The following ABI3BP variants were observed in gnomAD, a reference collection of about 807,000 sequenced individuals.
ABI3BP encodes the protein target of Nesh-SH3.
ABI3BP carries 216 observed loss-of-function variants against 268.6 expected under a neutral mutation model. That is an observed-to-expected ratio of 0.80 (90% CI 0.72 to 0.90). ABI3BP has a LOEUF of 0.90. ABI3BP is among the 40% of genes least tolerant of loss of function. The probability of loss-of-function intolerance (pLI) is 0.00; values close to 1 mark genes in which losing one functional copy is unlikely to be tolerated. For missense variants in ABI3BP, 2,090 were observed against 2,182.4 expected (o/e 0.96, Z 0.84); for synonymous variants, 730 against 730.0 (o/e 1.00, Z 0.00).
At chr3:100,797,366 A>G (rs1578070608) in intron 51 of ABI3BP, among the ~76,000 whole-genome samples, 4 of 152,156 alleles carry the variant, frequency 2.6e-5, no homozygotes, top group Non-Finnish European at 5.9e-5. Context: ...AATAGTGTAA[A>G]GTACTTCAAC....
At chr3:100,773,429 T>C (rs2096609111) in intron 61 of ABI3BP, among the ~76,000 whole-genome samples, 1 of 152,140 alleles carries the variant, frequency 6.6e-6, no homozygotes, top group African/African-American at 2.4e-5. Context: ...CCTATTAAAA[T>C]GGCTAAAATA....
intron 1 of ABI3BP, among the ~76,000 whole-genome samples, chr3:100,992,269 G>A (rs1003521152): frequency 8.5e-5 from 13 of 152,194 alleles, no homozygotes; most frequent in Non-Finnish European, 1.5e-4. Flanking sequence ...TTTACCCACC[G>A]AGGAAAGAAC....
chr3:100,812,250 T>C (rs1430362235), intron 46 of ABI3BP, among the ~76,000 whole-genome samples: 1 of 151,854 alleles, frequency 6.6e-6, no homozygotes, highest in Non-Finnish European at 1.5e-5. Context: ...TCGTTTCGAG[T>C]GAGAATAAGG....
At position 100,751,546 on chromosome 3, in the gene ABI3BP, A is replaced by C. The variant is rs1448402745; in HGVS notation, c.5245+6T>G. 3.8e-6 allele frequency: 6 copies of C among 1,582,660 alleles called. No individual in the cohort carries two copies. Among genetic ancestry groups the C allele is most frequent in the Non-Finnish European group, 5.2e-6 (6 of 1,163,266 alleles). ...CTGTTCTTATGAGGAGGATCAGAAA[A>C]CATACCTTCTTTGATTGGTAACTGG... On this transcript the variant is annotated splice_donor_region_variant and intron_variant, in intron 67 of 67. Coordinates refer to ENST00000471714, the MANE Select transcript of ABI3BP (RefSeq NM_001375547.2).
chr3:100,797,562 G>GTTTTTTTTTTT (rs575648416), intron 51 of ABI3BP, among the ~76,000 whole-genome samples: 3 of 129,658 alleles, frequency 2.3e-5, no homozygotes, highest in Non-Finnish European at 3.4e-5. Context: ...TGAAGAAACT[G>GTTTTTTTTTTT]TTTTTTTTTT....
intron 1 of ABI3BP, among the ~76,000 whole-genome samples, chr3:100,939,942 C>T (rs2068145114): frequency 6.6e-6 from 1 of 152,022 alleles, no homozygotes; most frequent in Non-Finnish European, 1.5e-5. Flanking sequence ...CAGGGATGTT[C>T]CTTGCTGAGA....
intron 1 of ABI3BP, among the ~76,000 whole-genome samples, chr3:100,985,066 AC>A (rs1192927599): frequency 6.6e-6 from 1 of 151,962 alleles, no homozygotes. Flanking sequence ...TTCTTTCTCT[AC>A]ACACAAGTTT....
At chr3:100,836,770 C>T (rs1483276568) in intron 27 of ABI3BP, among the ~76,000 whole-genome samples, 1 of 152,172 alleles carries the variant, frequency 6.6e-6, no homozygotes, top group Admixed American at 6.5e-5. Flanking sequence ...AAACTCCAAC[C>T]AGCTTTTTCA....
At chr3:100,959,018 C>G (rs1397636790) in intron 1 of ABI3BP, among the ~76,000 whole-genome samples, 1 of 152,264 alleles carries the variant, frequency 6.6e-6, no homozygotes, top group Non-Finnish European at 1.5e-5. Context: ...GGGGGAAGAA[C>G]AACCATCTTG....
intron 4 of ABI3BP, among the ~76,000 whole-genome samples, 160 bp downstream of exon 4, chr3:100,898,602 G>A (rs1182981350): frequency 6.6e-6 from 1 of 152,140 alleles, no homozygotes; most frequent in Non-Finnish European, 1.5e-5. Context: ...TTCTATTCAG[G>A]TAGATAACCT....
intron 4 of ABI3BP, among the ~76,000 whole-genome samples, chr3:100,895,099 ATGAGAAAGAAAAAATAAGCTAT>A (rs955740153): frequency 3.9e-5 from 6 of 152,054 alleles, no homozygotes; most frequent in Admixed American, 1.3e-4. Flanking sequence ...AGTTGGAAAC[ATGAGAAAGAAAAAATAAGCTAT>A]TAATGGTGAA....
At chr3:100,858,971 A>G (rs1249736499) in intron 14 of ABI3BP, among the ~76,000 whole-genome samples, 1 of 152,174 alleles carries the variant, frequency 6.6e-6, no homozygotes, top group African/African-American at 2.4e-5. Context: ...TTATGAAGAC[A>G]TTCAATCACA....
chr3:100,942,686 A>T lies in ABI3BP; in HGVS notation c.80-16205T>A, dbSNP rs547603710. The stretch of plus-strand genomic sequence containing the variant: ...GGCTAGGCTCAATTCCAGGGCTCTG[A>T]AAGTATGGTCTCCAGATTAGACAAT... On this transcript the variant is annotated intron_variant, in intron 1 of 67. Coordinates refer to ENST00000471714, the MANE Select transcript of ABI3BP (RefSeq NM_001375547.2). Among the ~76,000 whole-genome samples, 31 of 152,218 alleles carry T rather than the reference A, an allele frequency of 2.0e-4. No homozygotes were observed. The East Asian group carries it at 5.0e-3, about 25-fold the overall frequency.
intron 17 of ABI3BP, 84 bp downstream of exon 17, chr3:100,849,961 A>G: frequency 4.0e-6 from 5 of 1,245,428 alleles, no homozygotes; most frequent in Non-Finnish European, 5.7e-6. Context: ...CAAAAGAAAA[A>G]CAAAATTCTG....
intron 1 of ABI3BP, among the ~76,000 whole-genome samples, chr3:100,966,932 T>G (rs977639834): frequency 1.3e-5 from 2 of 152,120 alleles, no homozygotes; most frequent in Non-Finnish European, 2.9e-5. Flanking sequence ...GCGCTAGAAT[T>G]TGTAAGGCTT....
At chr3:100,780,622 C>A (rs1258321922) in intron 57 of ABI3BP, among the ~76,000 whole-genome samples, 2 of 152,046 alleles carry the variant, frequency 1.3e-5, no homozygotes, top group Non-Finnish European at 2.9e-5. Flanking sequence ...AACCCACACA[C>A]ATACACCTTA....
In ABI3BP at chr3:100,863,982, C is replaced by A. The variant is rs1486409024; in HGVS notation, c.1138+20G>T. 1.4e-6 allele frequency: 2 copies of A among 1,449,782 alleles called. No homozygotes were observed. Among genetic ancestry groups the A allele is most frequent in the Non-Finnish European group, 1.9e-6 (2 of 1,068,272 alleles). 89.8% of individuals were successfully genotyped at this position (1,449,782 alleles called of 1,614,324 possible). A position where few individuals can be genotyped will look rare whatever the true frequency, so the allele number is the denominator to read the frequency against. On this transcript the variant is annotated intron_variant, in intron 12 of 67. Transcript: ENST00000471714. ...AATATCCAAGGTAATAATAAAGCTGCAGTATTTATTATTTTTTACCTAGAG... is the reference window on the plus strand; with the variant it reads ...AATATCCAAGGTAATAATAAAGCTGAAGTATTTATTATTTTTTACCTAGAG...
chr3:100,873,520 C>T (rs1452818059), intron 9 of ABI3BP, among the ~76,000 whole-genome samples: 8 of 152,124 alleles, frequency 5.3e-5, no homozygotes, highest in Non-Finnish European at 1.0e-4. Flanking sequence ...AGGGTTTGTT[C>T]CCAGTGGATG....
In ABI3BP at chr3:100,910,419, T is replaced by TA. The variant is rs11356784; in HGVS notation, c.260-7734dup. ...AACTGAAAGTATAATTTAAAAAAGG[T>TA]AAAAAAAAAATTATCAGTTTAGGAG... On this transcript the variant is annotated intron_variant, in intron 2 of 67. Transcript: ENST00000471714. Among the ~76,000 whole-genome samples, 1,130 of 151,690 alleles carry TA rather than the reference T, an allele frequency of 7.4e-3. 12 individuals carry two copies. The highest frequency in any genetic ancestry group is 0.026 in the African/African-American group (1,062 of 41,318).
Sources: gnomAD v4.1 joint callset for allele counts (sites outside exome capture counted in the v4.1 genomes callset) on GRCh38, gnomAD v4.1.1 for gene constraint, MANE v1.5 for transcripts, NCBI Gene and HGNC (gene_info 2026-07-23, HGNC 2026-07-21) for gene names.